Variants in KANSL1 observed in about 807,000 individuals in gnomAD.
KANSL1 encodes MLL1/MLL complex subunit KANSL1.
A neutral mutation model predicts 103.6 loss-of-function variants in KANSL1; 22 were observed. The observed-to-expected ratio is 0.21, with a 90% confidence interval of 0.15 to 0.30. The LOEUF (loss-of-function observed/expected upper bound fraction) is 0.30. Among genes scored for constraint, KANSL1 ranks in the 10% least tolerant of loss-of-function variants. The pLI, the probability that KANSL1 is intolerant of heterozygous loss-of-function variation, is 1.00. For synonymous variants in KANSL1, 600 were observed against 527.6 expected, an observed-to-expected ratio of 1.14 and a Z score of -1.88; for missense variants, 1,337 against 1,399.8, an observed-to-expected ratio of 0.96 and a Z score of 0.72.
chr17:46,062,110 C>CAAAAAAAAAAAAAAAAAAAAAAAAAAA (rs1568403365), intron 6 of KANSL1, among the ~76,000 whole-genome samples: 1 of 22,260 alleles, frequency 4.5e-5, no homozygotes, highest in African/African-American at 1.3e-4. Flanking sequence ...AAAAAAAAAA[C>CAAAAAAAAAAAAAAAAAAAAAAAAAAA]AAACAAACAA....
intron 2 of KANSL1, among the ~76,000 whole-genome samples, chr17:46,095,159 C>T (rs1482054477): frequency 2.0e-5 from 3 of 152,108 alleles, no homozygotes; most frequent in African/African-American, 7.2e-5. Context: ...ACCAACAAAA[C>T]TAATGATATA....
chr17:46,053,071 T>C (rs562009920), intron 6 of KANSL1, among the ~76,000 whole-genome samples: 2 of 145,206 alleles, frequency 1.4e-5, no homozygotes, highest in South Asian at 4.6e-4. Context: ...GTGGATAACC[T>C]GAGGTCAGGA....
chr17:46,212,819 T>C (rs1291158137), intron 1 of KANSL1, among the ~76,000 whole-genome samples: 1 of 152,242 alleles, frequency 6.6e-6, no homozygotes, highest in Non-Finnish European at 1.5e-5. Context: ...ACTAGCAGTT[T>C]CAGAGATTGT....
chr17:46,222,830 CT>C (rs1463929968), intron 1 of KANSL1: 1 of 152,206 alleles, frequency 6.6e-6, no homozygotes, highest in Admixed American at 6.6e-5. Context: ...CTCCCATCCC[CT>C]CCTTACGTCT....
intron 2 of KANSL1, among the ~76,000 whole-genome samples, chr17:46,130,012 C>G (rs2043771523): frequency 6.6e-6 from 1 of 151,784 alleles, no homozygotes; most frequent in Admixed American, 6.6e-5. Flanking sequence ...ATGGTGAAAT[C>G]CCATCTCTAC....
intron 2 of KANSL1, among the ~76,000 whole-genome samples, chr17:46,163,942 A>T (rs2045872647): frequency 6.6e-6 from 1 of 152,202 alleles, no homozygotes; most frequent in African/African-American, 2.4e-5. Context: ...ACCTCTCAGT[A>T]GGTCACAATC....
intron 1 of KANSL1, among the ~76,000 whole-genome samples, chr17:46,181,183 T>C (rs901833152): frequency 9.9e-5 from 15 of 152,240 alleles, no homozygotes; most frequent in Non-Finnish European, 1.8e-4. Flanking sequence ...TGATGGCTTA[T>C]AAAGAATGGA....
At chr17:46,147,720 A>G (rs911559309) in intron 2 of KANSL1, among the ~76,000 whole-genome samples, 1 of 152,198 alleles carries the variant, frequency 6.6e-6, no homozygotes, top group Non-Finnish European at 1.5e-5. Flanking sequence ...AAAAATCAAA[A>G]TGGGTCAGCA....
At chr17:46,187,689 A>G (rs1402988400) in intron 1 of KANSL1, among the ~76,000 whole-genome samples, 1 of 152,292 alleles carries the variant, frequency 6.6e-6, no homozygotes, top group Non-Finnish European at 1.5e-5. Flanking sequence ...CAAGGCTTGC[A>G]GAAAGTAACA....
At chr17:46,060,098 G>A (rs2078105450) in intron 6 of KANSL1, among the ~76,000 whole-genome samples, 1 of 152,164 alleles carries the variant, frequency 6.6e-6, no homozygotes, top group Non-Finnish European at 1.5e-5. Context: ...TCTCTTTGAA[G>A]GAATTCCCAA....
chr17:46,171,736 T>C lies in KANSL1; in HGVS notation c.408A>G (p.Glu136=). ...GRQPVLEFSL[E]NLRTMNTSGQ... ...CACTCGTATTCATGGTTCTAAGATT[T>C]TCTAAGGAAAACTCCAAAACTGGCT... Residue 136 remains glutamate (E), a synonymous_variant, in exon 2 of 15, where the codon GAA becomes GAG. Coordinates refer to ENST00000432791, the MANE Select transcript of KANSL1 (RefSeq NM_015443.4). The C allele has an allele frequency of 6.3e-7, 1 of 1,579,870 alleles. No homozygotes were observed. The highest frequency in any genetic ancestry group is 8.6e-7 in the Non-Finnish European group (1 of 1,166,160).
Position 46,206,078 on chromosome 17 carries a change from TC to T in KANSL1, c.-90+17592del, listed in dbSNP as rs372520164. 6.4e-4 allele frequency among the ~76,000 whole-genome samples: 70 copies of T among 109,326 alleles called. 2 individuals are homozygous for T. Among genetic ancestry groups the T allele is most frequent in the African/African-American group, 2.1e-3 (60 of 28,928 alleles). The allele number at this position is 109,326 out of a possible 152,430, so 71.7% of individuals were successfully genotyped here. On this transcript the variant is annotated intron_variant, in intron 1 of 14. Transcript: ENST00000572904. ...GCCTGGATGACAGAACAAGACTGTGTCCCCCAAAAAAAAAAAAAAAAAAAAA... is the reference window on the plus strand; with the variant it reads ...GCCTGGATGACAGAACAAGACTGTGTCCCCAAAAAAAAAAAAAAAAAAAAA...
At chr17:46,188,371 C>T (rs2047131526) in intron 1 of KANSL1, among the ~76,000 whole-genome samples, 1 of 152,226 alleles carries the variant, frequency 6.6e-6, no homozygotes, top group African/African-American at 2.4e-5. Context: ...TTCTGCACAA[C>T]TTTTAGTATG....
At chr17:46,054,476 C>A (rs147109624) in intron 6 of KANSL1, among the ~76,000 whole-genome samples, 135 of 152,342 alleles carry the variant, frequency 8.9e-4, no homozygotes, top group African/African-American at 3.0e-3. Context: ...TGATCCTCCT[C>A]CTACTGGTTC....
At chr17:46,190,025 C>A (rs769667986) in intron 1 of KANSL1, among the ~76,000 whole-genome samples, 1 of 152,120 alleles carries the variant, frequency 6.6e-6, no homozygotes, top group Non-Finnish European at 1.5e-5. Context: ...ACCACAACAC[C>A]CCTATGTTTA....
In KANSL1 at chr17:46,171,451, T is replaced by C. The variant is rs759071665; in HGVS notation, c.693A>G (p.Lys231=). 1.7e-5 allele frequency: 28 copies of C among 1,613,968 alleles called. No individual in the cohort carries two copies. The South Asian group carries it at 3.0e-4, about 17-fold the overall frequency. Reference sequence around the variant, plus strand: ...GCTGTTCCATGGAATTGACAGAGGATTTGTTTGCAGTGCTATTATTGCTAT... The same window carrying C: ...GCTGTTCCATGGAATTGACAGAGGACTTGTTTGCAGTGCTATTATTGCTAT... The part of the protein sequence containing the change: ...TLYSNNSTAN[K]SSVNSMEQPA... Residue 231 remains lysine, a synonymous_variant, in exon 2 of 15, where the codon AAA becomes AAG. Transcript: ENST00000432791.
chr17:46,102,313 G>A (rs755448367), intron 2 of KANSL1, among the ~76,000 whole-genome samples: 9 of 152,084 alleles, frequency 5.9e-5, no homozygotes, highest in Non-Finnish European at 1.3e-4. Flanking sequence ...GCAGAGGCAC[G>A]ATCTCAGCTC....
chr17:46,182,967 T>G (rs2046857059), intron 1 of KANSL1, among the ~76,000 whole-genome samples: 1 of 152,216 alleles, frequency 6.6e-6, no homozygotes, highest in African/African-American at 2.4e-5. Flanking sequence ...TTAAAATGCC[T>G]AGAGTATTCA....
chr17:46,135,225 C>G (rs2044067802), intron 2 of KANSL1, among the ~76,000 whole-genome samples: 1 of 150,654 alleles, frequency 6.6e-6, no homozygotes, highest in Non-Finnish European at 1.5e-5. Flanking sequence ...ATATGTTGTA[C>G]AGAATTGGCT....
Sources: gnomAD v4.1 joint callset for allele counts (sites outside exome capture counted in the v4.1 genomes callset) on GRCh38, gnomAD v4.1.1 for gene constraint, MANE v1.5 for transcripts, NCBI Gene and HGNC (gene_info 2026-07-23, HGNC 2026-07-21) for gene names.